Variants in SPATA17 observed in about 807,000 individuals in gnomAD.
The protein encoded by SPATA17 is spermatogenesis-associated protein 17.
SPATA17 carries 53 observed loss-of-function variants against 62.2 expected under a neutral mutation model. That is an observed-to-expected ratio of 0.85 (90% CI 0.68 to 1.07). The LOEUF (loss-of-function observed/expected upper bound fraction) is 1.07, where lower values mean the gene tolerates loss of function less well. Among genes scored for constraint, SPATA17 ranks in the 50% least tolerant of loss-of-function variants. The pLI, the probability that SPATA17 is intolerant of heterozygous loss-of-function variation, is 0.00. For missense variants in SPATA17, 466 were observed against 425.5 expected, an observed-to-expected ratio of 1.10 and a Z score of -0.84; for synonymous variants, 146 against 146.8, an observed-to-expected ratio of 0.99 and a Z score of 0.04.
chr1:217,633,754 T>C (rs1258639759), intron 1 of SPATA17, among the ~76,000 whole-genome samples: 2 of 152,212 alleles, frequency 1.3e-5, no homozygotes, highest in Non-Finnish European at 2.9e-5. Flanking sequence ...TCTTTCAATG[T>C]CTTCTGTTTT....
In SPATA17 at chr1:217,774,542, T is replaced by G. The variant is rs561758996; in HGVS notation, c.723+5T>G. 813 of 1,610,436 alleles carry G rather than the reference T, an allele frequency of 5.0e-4. 5 individuals are homozygous for G. In the South Asian group the frequency reaches 8.5e-3, roughly 17 times the overall value. On this transcript the variant is annotated splice_donor_5th_base_variant and intron_variant, in intron 7 of 10. Transcript: ENST00000366933. ...ATTAATAGAAAGCAATGTCAGGTAC[T>G]AGTTTGCTGTATAAGAATTCTGTCA...
chr1:217,713,479 C>T (rs1671927543), intron 5 of SPATA17, among the ~76,000 whole-genome samples: 1 of 152,148 alleles, frequency 6.6e-6, no homozygotes, highest in South Asian at 2.1e-4. Context: ...AACACCAGGT[C>T]TTTCTTTAAG....
intron 1 of SPATA17, among the ~76,000 whole-genome samples, chr1:217,645,542 AAC>A (rs1466699101): frequency 2.0e-5 from 3 of 152,184 alleles, no homozygotes; most frequent in African/African-American, 7.2e-5. Context: ...GAAGATGAAA[AAC>A]AAATCTGGTA....
At chr1:217,755,731 A>C (rs1238338796) in intron 6 of SPATA17, among the ~76,000 whole-genome samples, 1 of 151,946 alleles carries the variant, frequency 6.6e-6, no homozygotes, top group East Asian at 1.9e-4. Context: ...ATTTTGTTGT[A>C]TTTATAATAC....
At chr1:217,776,980 G>A (rs556647353) in intron 7 of SPATA17, among the ~76,000 whole-genome samples, 20 of 152,218 alleles carry the variant, frequency 1.3e-4, no homozygotes, top group African/African-American at 3.4e-4. Context: ...TGCCATGTTC[G>A]AAATGAGTAA....
intron 3 of SPATA17, among the ~76,000 whole-genome samples, chr1:217,657,078 T>C (rs1670461919): frequency 1.3e-5 from 2 of 152,154 alleles, no homozygotes; most frequent in Non-Finnish European, 1.5e-5. Flanking sequence ...GATGATGTGT[T>C]TGAACCTTCC....
chr1:217,685,873 A>G (rs1309720762), intron 5 of SPATA17, among the ~76,000 whole-genome samples: 2 of 152,194 alleles, frequency 1.3e-5, no homozygotes, highest in East Asian at 1.9e-4. Flanking sequence ...AACAAGAGAA[A>G]GAGTGAGCGA....
At chr1:217,688,145 A>G (rs974574819) in intron 5 of SPATA17, among the ~76,000 whole-genome samples, 3 of 152,152 alleles carry the variant, frequency 2.0e-5, no homozygotes, top group Non-Finnish European at 4.4e-5. Flanking sequence ...CAGGAGGATC[A>G]CTTGAGCCCA....
chr1:217,635,083 T>A (rs1440551350), intron 1 of SPATA17, among the ~76,000 whole-genome samples: 1 of 152,244 alleles, frequency 6.6e-6, no homozygotes, highest in Non-Finnish European at 1.5e-5. Flanking sequence ...GTTGTTCATT[T>A]TCCCCATATT....
At chr1:217,807,721 GA>G (rs897906697) in intron 9 of SPATA17, among the ~76,000 whole-genome samples, 5 of 150,056 alleles carry the variant, frequency 3.3e-5, no homozygotes, top group East Asian at 3.9e-4. Flanking sequence ...AAGGAAGAAA[GA>G]AAAAAATATT....
intron 9 of SPATA17, among the ~76,000 whole-genome samples, chr1:217,837,241 T>C (rs1020118408): frequency 1.3e-5 from 2 of 152,102 alleles, no homozygotes; most frequent in Non-Finnish European, 2.9e-5. Flanking sequence ...TATGGCTAAA[T>C]TAGCCACAAC....
At chr1:217,848,205 GA>G (rs1675570376) in intron 9 of SPATA17, among the ~76,000 whole-genome samples, 1 of 150,878 alleles carries the variant, frequency 6.6e-6, no homozygotes, top group Non-Finnish European at 1.5e-5. Context: ...GATTTGTAAT[GA>G]AAAGTGGCAG....
chr1:217,850,357 A>G, intron 9 of SPATA17: 1 of 713,410 alleles, frequency 1.4e-6, no homozygotes, highest in Non-Finnish European at 2.3e-6. Flanking sequence ...GCTATAGTGC[A>G]GTGTAATGCC....
chr1:217,742,114 C>T lies in SPATA17; in HGVS notation c.519+16C>T, dbSNP rs1553371340. The T allele has an allele frequency of 3.1e-6, 5 of 1,613,490 alleles. No homozygotes were observed. The South Asian group carries it at 5.5e-5, about 18-fold the overall frequency. On this transcript the variant is annotated intron_variant, in intron 6 of 10. Transcript: ENST00000366933. The stretch of plus-strand genomic sequence containing the variant: ...CACAAAGCAGGTTGGTTTACCTGTC[C>T]CTGACAGCTCCTGTAAGCCACTTGG...
intron 9 of SPATA17, among the ~76,000 whole-genome samples, chr1:217,843,737 A>G (rs1675463931): frequency 6.6e-6 from 1 of 152,168 alleles, no homozygotes; most frequent in African/African-American, 2.4e-5. Flanking sequence ...ATAAGTGGGC[A>G]TGACTACGTT....
At chr1:217,743,453 A>C (rs960068773) in intron 6 of SPATA17, among the ~76,000 whole-genome samples, 13 of 151,960 alleles carry the variant, frequency 8.6e-5, no homozygotes, top group African/African-American at 2.2e-4. Context: ...TTTAAATCTG[A>C]TATTTTATTT....
At chr1:217,788,882 T>C (rs987184889) in intron 8 of SPATA17, among the ~76,000 whole-genome samples, 1 of 152,202 alleles carries the variant, frequency 6.6e-6, no homozygotes, top group Non-Finnish European at 1.5e-5. Flanking sequence ...ATGCAAGTGT[T>C]CTTCCTAAAG....
At chr1:217,660,190 A>G (rs977000707) in intron 3 of SPATA17, among the ~76,000 whole-genome samples, 3 of 152,194 alleles carry the variant, frequency 2.0e-5, no homozygotes, top group Non-Finnish European at 4.4e-5. Flanking sequence ...TTACTTGAAG[A>G]TCAACTTTTC....
At chr1:217,850,889 CA>C (rs567956629) in intron 9 of SPATA17, among the ~76,000 whole-genome samples, 5 of 151,278 alleles carry the variant, frequency 3.3e-5, no homozygotes, top group African/African-American at 4.8e-5. Context: ...TGATGCAAAA[CA>C]AAAAAAATAT....
Sources: allele counts gnomAD v4.1 joint callset (sites outside exome capture counted in the v4.1 genomes callset), GRCh38; gene constraint gnomAD v4.1.1; transcripts MANE v1.5; gene names NCBI Gene and HGNC (gene_info 2026-07-23, HGNC 2026-07-21).